The following LDB2 variants were observed in gnomAD, a reference collection of about 807,000 sequenced individuals.
The protein encoded by LDB2 is LIM domain-binding protein 2.
LDB2 carries 12 observed loss-of-function variants against 44.3 expected under a neutral mutation model. That is an observed-to-expected ratio of 0.27 (90% CI 0.17 to 0.44). LDB2 has a LOEUF of 0.44. LDB2 is among the 20% of genes least tolerant of loss of function. The pLI, the probability that LDB2 is intolerant of heterozygous loss-of-function variation, is 1.00. For synonymous variants in LDB2, 164 were observed against 174.8 expected (o/e 0.94, Z 0.49); for missense variants, 344 against 473.5 (o/e 0.73, Z 2.54).
intron 1 of LDB2, among the ~76,000 whole-genome samples, chr4:16,892,026 G>A (rs185456633): frequency 2.6e-5 from 4 of 152,224 alleles, no homozygotes; most frequent in East Asian, 1.9e-4. Context: ...AGTATCATAC[G>A]ATGTGATCAT....
At chr4:16,577,338 C>T (rs1359345263) in intron 5 of LDB2, among the ~76,000 whole-genome samples, 3 of 152,004 alleles carry the variant, frequency 2.0e-5, no homozygotes, top group Non-Finnish European at 2.9e-5. Flanking sequence ...TTAAAGACTC[C>T]ACCAAAAAAC....
At chr4:16,691,500 T>C (rs1750766228) in intron 2 of LDB2, among the ~76,000 whole-genome samples, 1 of 152,170 alleles carries the variant, frequency 6.6e-6, no homozygotes. Context: ...AAGAACAGTG[T>C]AGACTAATTA....
At chr4:16,556,650 A>AG (rs1342737129) in intron 5 of LDB2, among the ~76,000 whole-genome samples, 29 of 152,368 alleles carry the variant, frequency 1.9e-4, no homozygotes, top group Admixed American at 6.5e-4. Flanking sequence ...TGGTTTAAAG[A>AG]GGGGTGAGAG....
chr4:16,796,595 C>G (rs1167574562), intron 1 of LDB2, among the ~76,000 whole-genome samples: 1 of 152,122 alleles, frequency 6.6e-6, no homozygotes, highest in Non-Finnish European at 1.5e-5. Context: ...GATGGAGCCT[C>G]CCTACCCCTT....
At chr4:16,791,296 C>T (rs1331332860) in intron 1 of LDB2, among the ~76,000 whole-genome samples, 3 of 152,060 alleles carry the variant, frequency 2.0e-5, no homozygotes, top group Non-Finnish European at 4.4e-5. Context: ...GTGACTCACA[C>T]CTGTAATCCC....
chr4:16,517,330 T>C (rs1724131481), intron 5 of LDB2, among the ~76,000 whole-genome samples: 1 of 136,316 alleles, frequency 7.3e-6, no homozygotes, highest in Non-Finnish European at 1.6e-5. Context: ...TTTTCCTCAT[T>C]ACCCCACTCC....
chr4:16,815,476 T>G (rs1181348568), intron 1 of LDB2, among the ~76,000 whole-genome samples: 2 of 152,190 alleles, frequency 1.3e-5, no homozygotes, highest in African/African-American at 4.8e-5. Flanking sequence ...CCATCTAAGG[T>G]TATGTGGTGT....
In LDB2 at chr4:16,664,609, C is replaced by T. The variant is rs777110361; in HGVS notation, c.236-68734G>A. On this transcript the variant is annotated intron_variant, in intron 2 of 7. Coordinates refer to ENST00000304523, the MANE Select transcript of LDB2 (RefSeq NM_001290.5). ...TGCTTGTTTTTAAATCAAAAAAGACCGTCCAATAGCTTCATTACTTTTGTA... is the reference window on the plus strand; with the variant it reads ...TGCTTGTTTTTAAATCAAAAAAGACTGTCCAATAGCTTCATTACTTTTGTA... Among the ~76,000 whole-genome samples the T allele has an allele frequency of 2.0e-4, 30 of 152,110 alleles. 1 individual carries two copies. Among genetic ancestry groups the T allele is most frequent in the Admixed American group, 1.4e-3 (22 of 15,268 alleles).
intron 2 of LDB2, among the ~76,000 whole-genome samples, chr4:16,692,473 G>A (rs887343696): frequency 2.5e-4 from 38 of 152,256 alleles, no homozygotes; most frequent in African/African-American, 8.4e-4. Context: ...GGAAAGTAGC[G>A]ATGTACAGGT....
At chr4:16,763,375 G>A (rs947718445) in intron 1 of LDB2, among the ~76,000 whole-genome samples, 2 of 144,282 alleles carry the variant, frequency 1.4e-5, no homozygotes, top group Non-Finnish European at 3.0e-5. Context: ...AATTTTAAAC[G>A]CATAAAAATG....
At chr4:16,526,213 C>A (rs985193330) in intron 5 of LDB2, among the ~76,000 whole-genome samples, 1 of 152,142 alleles carries the variant, frequency 6.6e-6, no homozygotes, top group Admixed American at 6.5e-5. Flanking sequence ...CCAGATAGAA[C>A]AAAAAGGCAG....
chr4:16,729,043 G>A (rs552409864), intron 2 of LDB2, among the ~76,000 whole-genome samples: 1 of 152,262 alleles, frequency 6.6e-6, no homozygotes, highest in African/African-American at 2.4e-5. Context: ...ATGAAAGACG[G>A]TTCATGTCAT....
chr4:16,872,791 A>G (rs1301787337), intron 1 of LDB2, among the ~76,000 whole-genome samples: 1 of 152,236 alleles, frequency 6.6e-6, no homozygotes, highest in African/African-American at 2.4e-5. Flanking sequence ...TTTCACAGCC[A>G]TGACTATTAA....
intron 2 of LDB2, among the ~76,000 whole-genome samples, chr4:16,650,336 T>C (rs1387935072): frequency 6.6e-6 from 1 of 152,218 alleles, no homozygotes; most frequent in African/African-American, 2.4e-5. Flanking sequence ...AGCACGTTTT[T>C]GATTATTATT....
At chr4:16,547,047 G>T (rs1736017003) in intron 5 of LDB2, among the ~76,000 whole-genome samples, 2 of 152,160 alleles carry the variant, frequency 1.3e-5, no homozygotes, top group Non-Finnish European at 2.9e-5. Context: ...TGAAAATAAG[G>T]CCTTTGCAGA....
chr4:16,882,362 A>ACAGCAGAGTTCTTTCTTCTCTCCTTTT (rs1048710235), intron 1 of LDB2, among the ~76,000 whole-genome samples: 2 of 152,350 alleles, frequency 1.3e-5, no homozygotes, highest in South Asian at 4.1e-4. Flanking sequence ...AATAAAGCTA[A>ACAGCAGAGTTCTTTCTTCTCTCCTTTT]CAGCAGAGTT....
chr4:16,785,996 A>G (rs79060547), intron 1 of LDB2, among the ~76,000 whole-genome samples: 1,968 of 152,302 alleles, frequency 0.013, 33 homozygotes, highest in East Asian at 0.077. Flanking sequence ...GCCTGCTGCT[A>G]AGGGACTCGC....
At chr4:16,729,060 C>A (rs1256179697) in intron 2 of LDB2, among the ~76,000 whole-genome samples, 4 of 152,162 alleles carry the variant, frequency 2.6e-5, no homozygotes, top group Non-Finnish European at 1.5e-5. Flanking sequence ...TCATTACCAG[C>A]CAGATCCTGA....
chr4:16,530,377 G>C (rs1204695689), intron 5 of LDB2, among the ~76,000 whole-genome samples: 1 of 152,104 alleles, frequency 6.6e-6, no homozygotes, highest in East Asian at 1.9e-4. Flanking sequence ...GCTAGCTCTT[G>C]GAAAGTTCTT....
Sources: gnomAD v4.1 joint callset for allele counts (sites outside exome capture counted in the v4.1 genomes callset) on GRCh38, gnomAD v4.1.1 for gene constraint, MANE v1.5 for transcripts, NCBI Gene and HGNC (gene_info 2026-07-23, HGNC 2026-07-21) for gene names.